Variants in FAM78A observed in about 807,000 individuals in gnomAD.
The protein encoded by FAM78A is family with sequence similarity 78 member A.
Under a neutral mutation model 22.6 loss-of-function variants are expected in FAM78A, and 12 were observed. The ratio of observed to expected loss-of-function variants is 0.53; its 90% CI spans 0.34 to 0.86. FAM78A has a LOEUF of 0.86. Among genes scored for constraint, FAM78A ranks in the 40% least tolerant of loss-of-function variants. The pLI, the probability that FAM78A is intolerant of heterozygous loss-of-function variation, is 0.02. For synonymous variants in FAM78A, 151 were observed against 155.8 expected (o/e 0.97, Z 0.23); for missense variants, 322 against 396.1 (o/e 0.81, Z 1.59).
intron 1 of FAM78A, chr9:131,264,375 A>G (rs1246959131): frequency 1.1e-5 from 6 of 554,770 alleles, no homozygotes; most frequent in Non-Finnish European, 1.9e-5. Flanking sequence ...GCTCAGGGCC[A>G]GGGCCAAATC....
chr9:131,260,484 C>A lies in FAM78A; in HGVS notation c.*338G>T, dbSNP rs541050107. On this transcript the variant is annotated 3_prime_UTR_variant, in exon 2 of 2. Coordinates refer to ENST00000372271, the MANE Select transcript of FAM78A (RefSeq NM_033387.4). The surrounding 1 kb of genome is among the most constrained non-coding windows in gnomAD (Gnocchi z 5.4). The stretch of plus-strand genomic sequence containing the variant: ...CCCCCTCCTCCTGCCCCTGAGCCCC[C>A]AAAAGAGGAGTTTTTTTAAAAAACG... 88 of 198,184 alleles carry A rather than the reference C, an allele frequency of 4.4e-4. No individual in the cohort carries two copies. Among genetic ancestry groups the A allele is most frequent in the African/African-American group, 1.9e-3 (83 of 43,220 alleles). The allele number at this position is 198,184 out of a possible 1,614,324, so 12.3% of individuals were successfully genotyped here.
At chr9:131,262,146 T>C (rs1446411576) in intron 1 of FAM78A, among the ~76,000 whole-genome samples, 2 of 151,286 alleles carry the variant, frequency 1.3e-5, no homozygotes, top group African/African-American at 2.4e-5. Flanking sequence ...GCCAATATGG[T>C]GAAACCCTGT....
chr9:131,259,465 GA>G lies in FAM78A; in HGVS notation c.*1356del, dbSNP rs1449207449. ...CCCAGCCCTCCCAGCCCTTGGCCTGGATTCACTTATTTGAGGACAGGAAGCA... is the reference window on the plus strand; with the variant it reads ...CCCAGCCCTCCCAGCCCTTGGCCTGGTTCACTTATTTGAGGACAGGAAGCA... On this transcript the variant is annotated 3_prime_UTR_variant, in exon 2 of 2. Transcript: ENST00000372271. 6.6e-6 allele frequency: 1 copy of G among 152,300 alleles called. No homozygotes were observed. Among genetic ancestry groups the G allele is most frequent in the Non-Finnish European group, 1.5e-5 (1 of 68,104 alleles). The allele number at this position is 152,300 out of a possible 1,614,324, so 9.4% of individuals were successfully genotyped here. A position where few individuals can be genotyped will look rare whatever the true frequency, so the allele number is the denominator to read the frequency against.
rs1311041330 is a variant in FAM78A at position 131,270,999 on chromosome 9, G to GCCTTTTT, written c.323+4857_323+4858insAAAAAGG. 1.1e-4 allele frequency among the ~76,000 whole-genome samples: 14 copies of GCCTTTTT among 131,964 alleles called. 4 individuals are homozygous for GCCTTTTT. Among genetic ancestry groups the GCCTTTTT allele is most frequent in the African/African-American group, 8.7e-5 (3 of 34,312 alleles). 86.6% of individuals were successfully genotyped at this position (131,964 alleles called of 152,430 possible). A position where few individuals can be genotyped will look rare whatever the true frequency, so the allele number is the denominator to read the frequency against. On this transcript the variant is annotated intron_variant, in intron 1 of 1. Coordinates refer to ENST00000372271, the MANE Select transcript of FAM78A (RefSeq NM_033387.4). ...ACCCCTGCCCTGTCCTTTCCCACCA[G>GCCTTTTT]TCTTTTTTTTTTTTTTTTTTTTTTG...
rs1440967621 is a variant in FAM78A, at chr9:131,261,369, AG to A, written c.324-20del. 33 of 1,551,948 alleles carry A rather than the reference AG, an allele frequency of 2.1e-5. No individual in the cohort carries two copies. The highest frequency in any genetic ancestry group is 2.8e-5 in the Non-Finnish European group (32 of 1,157,472). ...GCTGGACCTGAGGACAAGGAAGGCC[AG>A]TTCACTCACTCGGTCACTCAAGGAG... On this transcript the variant is annotated intron_variant, in intron 1 of 1. Transcript: ENST00000372271. The surrounding 1 kb of genome is among the most constrained non-coding windows in gnomAD (Gnocchi z 7.1).
rs577596966 is a variant in FAM78A, at chr9:131,259,318, C to G, written c.*1504G>C. 6.6e-6 allele frequency: 1 copy of G among 152,554 alleles called. No homozygotes were observed. The highest frequency in any genetic ancestry group is 2.4e-5 in the African/African-American group (1 of 41,558). 9.5% of individuals were successfully genotyped at this position (152,554 alleles called of 1,614,324 possible). A position where few individuals can be genotyped will look rare whatever the true frequency, so the allele number is the denominator to read the frequency against. On this transcript the variant is annotated 3_prime_UTR_variant, in exon 2 of 2. Transcript: ENST00000372271. Reference sequence around the variant, plus strand: ...TAAGTAAGCCCTGGAGCTCCAGTGACCTGGGACCGAGGGAGGGCAGGTCCC... The same window carrying G: ...TAAGTAAGCCCTGGAGCTCCAGTGAGCTGGGACCGAGGGAGGGCAGGTCCC...
chr9:131,270,578 C>G, intron 1 of FAM78A: 1 of 711,408 alleles, frequency 1.4e-6, no homozygotes, highest in South Asian at 1.5e-5. Flanking sequence ...CTACTTCCTC[C>G]CACCCCAAAG....
intron 1 of FAM78A, among the ~76,000 whole-genome samples, chr9:131,268,897 A>AG (rs1835381576): frequency 6.6e-6 from 1 of 150,590 alleles, no homozygotes; most frequent in East Asian, 2.0e-4. Context: ...CGTCTCAAAA[A>AG]AAAAAAAAGA....
upstream of FAM78A, among the ~76,000 whole-genome samples, chr9:131,279,090 C>T (rs922167380): frequency 1.3e-5 from 2 of 152,240 alleles, no homozygotes; most frequent in African/African-American, 4.8e-5. Flanking sequence ...TGCTATGGCC[C>T]GTATCCCCAG....
At chr9:131,267,912 C>T (rs1216280689) in intron 1 of FAM78A, among the ~76,000 whole-genome samples, 3 of 152,044 alleles carry the variant, frequency 2.0e-5, no homozygotes, top group South Asian at 2.1e-4. Flanking sequence ...ATTAGCTGGG[C>T]GTGGTGGCAG....
At position 131,265,118 on chromosome 9, in the gene FAM78A, T is replaced by C. The variant is rs1239257002; in HGVS notation, c.324-3768A>G. ...CCACCATTCTTTTGATTACAGATTT[T>C]ATTGGTATTTTTCTTCTGTTTCTTC... On this transcript the variant is annotated intron_variant, in intron 1 of 1. Transcript: ENST00000372271. This position sits in a 1 kb window ranked among gnomAD's most constrained non-coding sequence, Gnocchi z 4.3. 1.3e-5 allele frequency among the ~76,000 whole-genome samples: 2 copies of C among 152,232 alleles called. No homozygotes were observed. Among genetic ancestry groups the C allele is most frequent in the Non-Finnish European group, 2.9e-5 (2 of 68,042 alleles).
upstream of FAM78A, among the ~76,000 whole-genome samples, chr9:131,280,359 C>A (rs1028695758): frequency 6.6e-6 from 1 of 152,206 alleles, no homozygotes; most frequent in Non-Finnish European, 1.5e-5. Flanking sequence ...CACAGACCCA[C>A]GGCAGCCTCA....
intron 1 of FAM78A, among the ~76,000 whole-genome samples, chr9:131,268,643 G>A (rs1233796141): frequency 6.6e-6 from 1 of 152,236 alleles, no homozygotes; most frequent in African/African-American, 2.4e-5. Context: ...GCTCACTCCT[G>A]TAATCCCAGC....
chr9:131,274,606 TG>T lies in FAM78A; in HGVS notation c.323+1250del, dbSNP rs1391820512. On this transcript the variant is annotated intron_variant, in intron 1 of 1. Transcript: ENST00000372271. This position sits in a 1 kb window ranked among gnomAD's most constrained non-coding sequence, Gnocchi z 4.2. ...CACACGCTGGACTTAAGGGTTACTG[TG>T]ATCCTCATGTTTCCTTTAGAACTTT... Among the ~76,000 whole-genome samples, 5 of 152,224 alleles carry T rather than the reference TG, an allele frequency of 3.3e-5. No individual in the cohort carries two copies. Among genetic ancestry groups the T allele is most frequent in the African/African-American group, 4.8e-5 (2 of 41,458 alleles).
chr9:131,259,715 A>C lies in FAM78A; in HGVS notation c.*1107T>G, dbSNP rs1032512299. The C allele has an allele frequency of 6.6e-6, 1 of 152,626 alleles. No individual in the cohort carries two copies. The highest frequency in any genetic ancestry group is 1.5e-5 in the Non-Finnish European group (1 of 68,190). The allele number at this position is 152,626 out of a possible 1,614,324, so 9.5% of individuals were successfully genotyped here. ...TTCAAGTCTTAAAATGCCCTGCAAG[A>C]AGGGACGTGAATGCCTTCCTTACCT... On this transcript the variant is annotated 3_prime_UTR_variant, in exon 2 of 2. Coordinates refer to ENST00000372271, the MANE Select transcript of FAM78A (RefSeq NM_033387.4).
At chr9:131,270,344 A>G (rs1835401705) in intron 1 of FAM78A, 1 of 717,438 alleles carries the variant, frequency 1.4e-6, no homozygotes, top group Admixed American at 2.0e-5. Context: ...CCTTCCCCCA[A>G]ACACTGGGCA....
At chr9:131,262,260 G>A (rs561016555) in intron 1 of FAM78A, among the ~76,000 whole-genome samples, 40 of 149,768 alleles carry the variant, frequency 2.7e-4, no homozygotes, top group African/African-American at 8.4e-4. Flanking sequence ...GCAGTGAGCC[G>A]AGATCACGCC....
chr9:131,278,427 G>A (rs1180404023), upstream of FAM78A, among the ~76,000 whole-genome samples: 1 of 152,174 alleles, frequency 6.6e-6, no homozygotes, highest in African/African-American at 2.4e-5. Flanking sequence ...AGGCTCCAAG[G>A]CTGGGAAGGT....
intron 1 of FAM78A, among the ~76,000 whole-genome samples, chr9:131,269,917 G>A (rs1018769884): frequency 6.6e-6 from 1 of 151,772 alleles, no homozygotes; most frequent in Non-Finnish European, 1.5e-5. Context: ...AGTACAGGCC[G>A]GGCACAGTGG....
Sources: gnomAD v4.1 joint callset for allele counts (sites outside exome capture counted in the v4.1 genomes callset) on GRCh38, gnomAD v4.1.1 for gene constraint, Gnocchi (gnomAD v3.1) non-coding constraint, MANE v1.5 for transcripts, NCBI Gene and HGNC (gene_info 2026-07-23, HGNC 2026-07-21) for gene names.